Variants in CLINT1 observed in about 807,000 individuals in gnomAD.
CLINT1 encodes the protein clathrin interacting protein localized in the trans-Golgi region.
CLINT1 carries 15 observed loss-of-function variants against 70.4 expected under a neutral mutation model. The observed-to-expected ratio is 0.21, with a 90% CI of 0.14 to 0.33. CLINT1 has a LOEUF of 0.33. Among genes scored for constraint, CLINT1 ranks in the 10% least tolerant of loss-of-function variants. CLINT1 has a pLI of 1.00. For missense variants in CLINT1, 615 were observed against 778.1 expected, an observed-to-expected ratio of 0.79 and a Z score of 2.49; for synonymous variants, 227 against 254.7, an observed-to-expected ratio of 0.89 and a Z score of 1.04.
At chr5:157,823,141 T>G (rs144521707) in intron 1 of CLINT1, among the ~76,000 whole-genome samples, 645 of 152,334 alleles carry the variant, frequency 4.2e-3, no homozygotes, top group Non-Finnish European at 6.2e-3. Context: ...GACCTCTAAA[T>G]GTGTTCTGAC....
chr5:157,836,010 G>A (rs1763409082), intron 1 of CLINT1, among the ~76,000 whole-genome samples: 1 of 152,136 alleles, frequency 6.6e-6, no homozygotes, highest in South Asian at 2.1e-4. Context: ...CTTTTATATA[G>A]ACAATTTTCA....
At chr5:157,823,124 T>C (rs1762927560) in intron 1 of CLINT1, among the ~76,000 whole-genome samples, 1 of 152,222 alleles carries the variant, frequency 6.6e-6, no homozygotes, top group Admixed American at 6.5e-5. Context: ...GGCAATCTTT[T>C]ATTTGAGACC....
chr5:157,839,662 T>A (rs1763555139), intron 1 of CLINT1, among the ~76,000 whole-genome samples: 1 of 151,714 alleles, frequency 6.6e-6, no homozygotes, highest in Non-Finnish European at 1.5e-5. Context: ...GTGCCAACTC[T>A]GGACTACAGG....
chr5:157,787,938 C>A lies in CLINT1; in HGVS notation c.1586G>T (p.Ser529Ile). 6.2e-7 allele frequency: 1 copy of A among 1,612,802 alleles called. No homozygotes were observed. The highest frequency in any genetic ancestry group is 8.5e-7 in the Non-Finnish European group (1 of 1,179,336). ...MTQSFGAVNLSSPSNMLPVRP... is the reference protein window; with the variant it reads ...MTQSFGAVNLISPSNMLPVRP... Reference sequence around the variant, plus strand: ...GACAGGAAGCATGTTCGATGGAGAACTGAGGTTCACAGCTCCAAAACTTTG... The same window carrying A: ...GACAGGAAGCATGTTCGATGGAGAAATGAGGTTCACAGCTCCAAAACTTTG... Residue 529 changes from serine to isoleucine, a missense_variant, in exon 12 of 12, where the codon AGT becomes ATT. Physicochemically the swap from Ser to Ile is moderately radical, Grantham distance 142. Transcript: ENST00000411809.
At chr5:157,839,698 GA>G (rs914306832) in intron 1 of CLINT1, among the ~76,000 whole-genome samples, 3 of 150,790 alleles carry the variant, frequency 2.0e-5, no homozygotes, top group African/African-American at 7.3e-5. Flanking sequence ...AGAAGTTCTA[GA>G]AATCTCCTAA....
chr5:157,785,792 A>T lies in CLINT1; in HGVS notation c.*1854T>A, dbSNP rs529124393. The T allele has an allele frequency of 1.5e-4, 23 of 152,280 alleles. No individual in the cohort carries two copies. The South Asian group carries it at 4.6e-3, about 30-fold the overall frequency. 9.4% of individuals were successfully genotyped at this position (152,280 alleles called of 1,614,324 possible). A position where few individuals can be genotyped will look rare whatever the true frequency, so the allele number is the denominator to read the frequency against. ...GTCTAAGAACCATACATATTTGAGA[A>T]AGTGAAGATATACTTCTTAAAGAAA... On this transcript the variant is annotated 3_prime_UTR_variant, in exon 12 of 12. Transcript: ENST00000411809.
intron 1 of CLINT1, among the ~76,000 whole-genome samples, chr5:157,848,175 C>A (rs538258140): frequency 2.0e-5 from 3 of 148,138 alleles, no homozygotes; most frequent in Middle Eastern, 4.0e-3. Flanking sequence ...TCTTGGCTCA[C>A]TGAAACCTCC....
chr5:157,823,524 T>G (rs1188903075), intron 1 of CLINT1, among the ~76,000 whole-genome samples: 2 of 152,172 alleles, frequency 1.3e-5, no homozygotes, highest in African/African-American at 4.8e-5. Context: ...CCAAGTGCTA[T>G]GTATGCAAAA....
intron 6 of CLINT1, among the ~76,000 whole-genome samples, chr5:157,807,553 T>C (rs1285586511): frequency 6.6e-6 from 1 of 152,138 alleles, no homozygotes; most frequent in African/African-American, 2.4e-5. Flanking sequence ...TGAGGTCATA[T>C]GCAACTCTGT....
chr5:157,796,171 A>T (rs529366739), intron 8 of CLINT1: 1 of 152,208 alleles, frequency 6.6e-6, no homozygotes, highest in Non-Finnish European at 1.5e-5. Flanking sequence ...TGTATTTTTA[A>T]TGCATGGGAA....
At chr5:157,819,096 T>C (rs926712584) in intron 1 of CLINT1, among the ~76,000 whole-genome samples, 4 of 152,212 alleles carry the variant, frequency 2.6e-5, no homozygotes, top group African/African-American at 9.6e-5. Context: ...AAATTGGCAC[T>C]CAAATCTCTT....
At chr5:157,795,027 T>C in intron 8 of CLINT1, 55 bp from the exon 9 acceptor site, 11 of 1,429,746 alleles carry the variant, frequency 7.7e-6, no homozygotes, top group Non-Finnish European at 1.1e-5. Flanking sequence ...TTGTAAATAA[T>C]TTCTGGAGGC....
At chr5:157,827,676 G>A (rs1188286502) in intron 1 of CLINT1, among the ~76,000 whole-genome samples, 2 of 152,176 alleles carry the variant, frequency 1.3e-5, no homozygotes, top group African/African-American at 4.8e-5. Context: ...ACTAAATTAT[G>A]ACCTGTGGGA....
chr5:157,793,413 C>T (rs1027247374), intron 9 of CLINT1, among the ~76,000 whole-genome samples: 1 of 151,994 alleles, frequency 6.6e-6, no homozygotes, highest in Non-Finnish European at 1.5e-5. Context: ...AATGATTAAT[C>T]GTGGGAGGAA....
intron 1 of CLINT1, among the ~76,000 whole-genome samples, chr5:157,851,977 A>G (rs1398834298): frequency 8.5e-5 from 13 of 152,208 alleles, no homozygotes; most frequent in Admixed American, 7.9e-4. Context: ...CCTTTCTCCA[A>G]TGTGCTTTCC....
intron 8 of CLINT1, among the ~76,000 whole-genome samples, chr5:157,798,819 TAAAA>T (rs572685415): frequency 2.0e-5 from 3 of 151,608 alleles, no homozygotes; most frequent in Admixed American, 6.6e-5. Flanking sequence ...TTTGGAAAAA[TAAAA>T]AAACTAATGT....
At chr5:157,806,830 TTTTC>T (rs1386818633) in intron 6 of CLINT1, among the ~76,000 whole-genome samples, 7 of 152,126 alleles carry the variant, frequency 4.6e-5, no homozygotes, top group African/African-American at 1.7e-4. Context: ...TTTCTTTCCT[TTTTC>T]TTTAATAGTG....
intron 1 of CLINT1, among the ~76,000 whole-genome samples, chr5:157,819,886 A>G (rs561184667): frequency 6.6e-6 from 1 of 152,356 alleles, no homozygotes; most frequent in South Asian, 2.1e-4. Flanking sequence ...TTCAAGCGAC[A>G]AAGGCCCATG....
intron 10 of CLINT1, among the ~76,000 whole-genome samples, chr5:157,790,987 T>G (rs1761884126): frequency 6.6e-6 from 1 of 152,202 alleles, no homozygotes; most frequent in South Asian, 2.1e-4. Flanking sequence ...TGAGTGATAT[T>G]TCTTTAGGGA....
Sources: gnomAD v4.1 joint callset for allele counts (sites outside exome capture counted in the v4.1 genomes callset) on GRCh38, gnomAD v4.1.1 for gene constraint, MANE v1.5 for transcripts, NCBI Gene and HGNC (gene_info 2026-07-23, HGNC 2026-07-21) for gene names.